The following HEPH variants were observed in gnomAD, a reference collection of about 807,000 sequenced individuals.
The protein encoded by HEPH is hephaestin.
Under a neutral mutation model 80.8 loss-of-function variants are expected in HEPH, and 69 were observed. The ratio of observed to expected loss-of-function variants is 0.85; its 90% CI spans 0.70 to 1.04. HEPH has a LOEUF of 1.04. HEPH is among the 50% of genes least tolerant of loss of function. The pLI, the probability that HEPH is intolerant of heterozygous loss-of-function variation, is 0.00. For missense variants in HEPH, 1,115 were observed against 891.3 expected, an observed-to-expected ratio of 1.25 and a Z score of -3.20; for synonymous variants, 431 against 322.8, an observed-to-expected ratio of 1.34 and a Z score of -3.60.
chrX:66,237,289 A>G (rs1602471894), intron 15 of HEPH, among the ~76,000 whole-genome samples: 2 of 111,051 alleles, frequency 1.8e-5, no homozygotes, highest in African/African-American at 3.3e-5. Context: ...TTCCCTCTTC[A>G]TACTGCCTTA....
chrX:66,183,561 T>C, intron 4 of HEPH, among the ~76,000 whole-genome samples: 1 of 31,070 alleles, frequency 3.2e-5, no homozygotes, highest in Non-Finnish European at 4.4e-5. Flanking sequence ...CCTTTATCAT[T>C]TTTTATTGTG....
At position 66,215,087 on chromosome X, in the gene HEPH, G is replaced by A. The variant is rs1330990095; in HGVS notation, c.2563+6841G>A. 9.0e-5 allele frequency among the ~76,000 whole-genome samples: 10 copies of A among 111,416 alleles called. No homozygotes were observed. In the Admixed American group the frequency reaches 9.6e-4, roughly 11 times the overall value. ...ATTTACATCTTTATATTATTTGTTGGAATGGATTTCCATTTATTCAGATGG... is the reference window on the plus strand; with the variant it reads ...ATTTACATCTTTATATTATTTGTTGAAATGGATTTCCATTTATTCAGATGG... On this transcript the variant is annotated intron_variant, in intron 15 of 20. Coordinates refer to ENST00000343002, the MANE Select transcript of HEPH (RefSeq NM_001367233.3).
At chrX:66,259,159 C>T (rs750966562) in intron 18 of HEPH, among the ~76,000 whole-genome samples, 180 bp downstream of exon 18, 7 of 111,923 alleles carry the variant, frequency 6.3e-5, no homozygotes, top group South Asian at 3.8e-4. Context: ...AATAACTTCC[C>T]GCTAGGCCCT....
At chrX:66,253,923 C>T (rs1463241969) in intron 15 of HEPH, among the ~76,000 whole-genome samples, 2 of 110,705 alleles carry the variant, frequency 1.8e-5, no homozygotes, top group Non-Finnish European at 3.8e-5. Flanking sequence ...TATTGATTAC[C>T]TTGGGTGGGG....
At chrX:66,261,595 A>G (rs1297818789) in intron 19 of HEPH, among the ~76,000 whole-genome samples, 1 of 108,508 alleles carries the variant, frequency 9.2e-6, no homozygotes, top group Non-Finnish European at 1.9e-5. Context: ...TTGAACAAAA[A>G]TGGTTTTCTG....
intron 6 of HEPH, among the ~76,000 whole-genome samples, chrX:66,191,277 G>A (rs1308101805): frequency 8.9e-6 from 1 of 111,823 alleles, no homozygotes; most frequent in Non-Finnish European, 1.9e-5. Context: ...TTCATACAAT[G>A]GTTGTAAGGA....
intron 10 of HEPH, among the ~76,000 whole-genome samples, chrX:66,198,650 A>G (rs749927688): frequency 1.8e-5 from 2 of 110,152 alleles, no homozygotes; most frequent in African/African-American, 6.6e-5. Flanking sequence ...GCCCACTTTC[A>G]TACAGTCTTC....
At chrX:66,229,744 C>A (rs2090042386) in intron 15 of HEPH, among the ~76,000 whole-genome samples, 1 of 111,707 alleles carries the variant, frequency 9.0e-6, no homozygotes, top group Non-Finnish European at 1.9e-5. Flanking sequence ...TTCCTTTCAT[C>A]CTACTCTCCA....
At chrX:66,257,229 A>G (rs1443118329) in intron 17 of HEPH, among the ~76,000 whole-genome samples, 1 of 111,799 alleles carries the variant, frequency 8.9e-6, no homozygotes, top group East Asian at 2.8e-4. Flanking sequence ...GGTCCAGGAT[A>G]AAAAGGGAAA....
chrX:66,239,290 G>T (rs758155782), intron 15 of HEPH, among the ~76,000 whole-genome samples: 2 of 111,584 alleles, frequency 1.8e-5, no homozygotes, highest in East Asian at 5.7e-4. Flanking sequence ...GAATAAGTCC[G>T]AGTGCATGGT....
rs368008998 is a variant in HEPH at position 66,266,501 on chromosome X, A to T, written c.3306A>T (p.Ile1102=). Residue 1102 remains isoleucine (I), a synonymous_variant, in exon 21 of 21, where the codon ATA becomes ATT. Coordinates refer to ENST00000343002, the MANE Select transcript of HEPH (RefSeq NM_001367233.3). ...NVKMLGMQIP[I]KNVEMLASVL... is the part of the protein sequence containing the mutation. ...AGATGCTGGGCATGCAGATCCCCAT[A>T]AAGAATGTTGAGATGCTGGCCTCTG... 6 of 1,206,835 alleles carry T rather than the reference A, an allele frequency of 5.0e-6. No homozygotes were observed. The African/African-American group carries it at 8.9e-5, about 18-fold the overall frequency.
chrX:66,226,972 A>T (rs538466683), intron 15 of HEPH, among the ~76,000 whole-genome samples: 1 of 111,558 alleles, frequency 9.0e-6, no homozygotes, highest in Non-Finnish European at 1.9e-5. Context: ...CCAGGAAAGG[A>T]CACAACAAAA....
At chrX:66,188,078 T>C (rs1328617746) in intron 4 of HEPH, among the ~76,000 whole-genome samples, 7 of 111,129 alleles carry the variant, frequency 6.3e-5, no homozygotes, top group Non-Finnish European at 1.3e-4. Flanking sequence ...AGGAATGTGG[T>C]CAGGTTCAGG....
chrX:66,180,964 T>C (rs1243041181), intron 4 of HEPH, among the ~76,000 whole-genome samples: 1 of 100,781 alleles, frequency 9.9e-6, no homozygotes, highest in Non-Finnish European at 2.0e-5. Flanking sequence ...TTTTTTGTTC[T>C]TGCGATAGTT....
chrX:66,176,746 G>A (rs1398586878), intron 4 of HEPH, among the ~76,000 whole-genome samples: 8 of 110,978 alleles, frequency 7.2e-5, no homozygotes, highest in South Asian at 7.6e-4. Context: ...GAGAACATGC[G>A]GTGTTTGGTT....
At chrX:66,252,703 A>G (rs1480168261) in intron 15 of HEPH, among the ~76,000 whole-genome samples, 2 of 112,245 alleles carry the variant, frequency 1.8e-5, no homozygotes, top group African/African-American at 6.5e-5. Flanking sequence ...TGGTTTCTAA[A>G]CTTACTACAA....
chrX:66,212,812 G>A (rs73215269), intron 15 of HEPH, among the ~76,000 whole-genome samples: 3 of 109,858 alleles, frequency 2.7e-5, no homozygotes, highest in Non-Finnish European at 5.7e-5. Context: ...GGCTATTTGG[G>A]CTCTTTTTTG....
intron 1 of HEPH, among the ~76,000 whole-genome samples, chrX:66,166,653 AT>A (rs1312210106): frequency 8.9e-6 from 1 of 112,294 alleles, no homozygotes; most frequent in African/African-American, 3.2e-5. Flanking sequence ...AAAAATACTT[AT>A]CAGGTGCCTA....
intron 15 of HEPH, among the ~76,000 whole-genome samples, chrX:66,236,712 A>G (rs2090374201): frequency 9.0e-6 from 1 of 111,377 alleles, no homozygotes; most frequent in Non-Finnish European, 1.9e-5. Context: ...TACACCTTGT[A>G]GAATTGGGTT....
Sources: gnomAD v4.1 joint callset for allele counts (sites outside exome capture counted in the v4.1 genomes callset) on GRCh38, gnomAD v4.1.1 for gene constraint, MANE v1.5 for transcripts, NCBI Gene and HGNC (gene_info 2026-07-23, HGNC 2026-07-21) for gene names.